CDH8: variants seen among roughly 807,000 people sequenced by gnomAD.
CDH8 encodes cadherin-8.
Under a neutral mutation model 68.1 loss-of-function variants are expected in CDH8, and 17 were observed. The ratio of observed to expected loss-of-function variants is 0.25; its 90% CI spans 0.17 to 0.37. The LOEUF is 0.37. Among genes scored for constraint, CDH8 ranks in the 10% least tolerant of loss-of-function variants. The probability of loss-of-function intolerance (pLI) is 1.00; values close to 1 mark genes in which losing one functional copy is unlikely to be tolerated. For missense variants in CDH8, 763 were observed against 999.3 expected (o/e 0.76, Z 3.19); for synonymous variants, 372 against 365.1 (o/e 1.02, Z -0.21).
chr16:61,977,013 C>T (rs1597103492), intron 2 of CDH8, among the ~76,000 whole-genome samples: 1 of 150,940 alleles, frequency 6.6e-6, no homozygotes, highest in African/African-American at 2.5e-5. Flanking sequence ...GGCTCCTGAA[C>T]TGCATAATAT....
At chr16:61,974,882 C>T (rs1213069459) in intron 2 of CDH8, among the ~76,000 whole-genome samples, 3 of 152,078 alleles carry the variant, frequency 2.0e-5, no homozygotes, top group Non-Finnish European at 2.9e-5. Flanking sequence ...CCCATCAGCA[C>T]ATTGATTTCC....
At chr16:61,672,443 A>G (rs1963816181) in intron 10 of CDH8, among the ~76,000 whole-genome samples, 1 of 152,084 alleles carries the variant, frequency 6.6e-6, no homozygotes, top group Admixed American at 6.6e-5. Flanking sequence ...CCAAGGTAAT[A>G]CCAGATATTT....
intron 8 of CDH8, among the ~76,000 whole-genome samples, chr16:61,751,493 G>A (rs1468680385): frequency 6.7e-6 from 1 of 149,414 alleles, no homozygotes; most frequent in Non-Finnish European, 1.5e-5. Flanking sequence ...ACACATCCTA[G>A]CTCAAGATAG....
intron 8 of CDH8, among the ~76,000 whole-genome samples, chr16:61,756,896 A>C (rs1219696086): frequency 6.6e-6 from 1 of 152,178 alleles, no homozygotes; most frequent in Admixed American, 6.5e-5. Flanking sequence ...CTGCTGAACG[A>C]ATCCTAATCC....
chr16:61,960,379 G>GTGTGTGTGTATACACACATATATACA (rs1965129651), intron 2 of CDH8, among the ~76,000 whole-genome samples: 1 of 84,122 alleles, frequency 1.2e-5, no homozygotes, highest in African/African-American at 7.2e-5. Flanking sequence ...ATATATACAT[G>GTGTGTGTGTATACACACATATATACA]TGTGTGTGTA....
intron 2 of CDH8, among the ~76,000 whole-genome samples, chr16:61,931,532 CT>C (rs968441708): frequency 5.3e-5 from 8 of 152,130 alleles, no homozygotes; most frequent in Middle Eastern, 3.4e-3. Context: ...TCAGGGCATT[CT>C]GACTGAATGA....
intron 8 of CDH8, among the ~76,000 whole-genome samples, chr16:61,744,750 T>G (rs1170494753): frequency 6.6e-6 from 1 of 151,366 alleles, no homozygotes; most frequent in Non-Finnish European, 1.5e-5. Flanking sequence ...CATATACATA[T>G]CCTTGATTCA....
rs370956765 is a variant in CDH8, at chr16:61,791,419, T to A, written c.1278-1937A>T. Among the ~76,000 whole-genome samples, 15 of 152,152 alleles carry A rather than the reference T, an allele frequency of 9.9e-5. No individual in the cohort carries two copies. In the East Asian group the frequency reaches 2.7e-3, roughly 27 times the overall value. On this transcript the variant is annotated intron_variant, in intron 7 of 11. Coordinates refer to ENST00000577390, the MANE Select transcript of CDH8 (RefSeq NM_001796.5). ...ATTCCAAGTTTAACTGTAAAATAAC[T>A]AAACAGACATGTGTTTTGCTTCAGA...
At chr16:61,931,174 G>GTTTT (rs1322160084) in intron 2 of CDH8, among the ~76,000 whole-genome samples, 1 of 151,932 alleles carries the variant, frequency 6.6e-6, no homozygotes, top group Non-Finnish European at 1.5e-5. Context: ...GTTTTGTTTT[G>GTTTT]TTTTGTTTCA....
Position 61,967,967 on chromosome 16 carries a change from C to T in CDH8, c.252+53185G>A, listed in dbSNP as rs553842720. ...GGGATTACAGGCGCCCGCCACCACG[C>T]CCAGCTAATTTTTTGTATTTTTAGT... On this transcript the variant is annotated intron_variant, in intron 2 of 11. Transcript: ENST00000577390. Among the ~76,000 whole-genome samples, 5 of 152,264 alleles carry T rather than the reference C, an allele frequency of 3.3e-5. No homozygotes were observed. In the East Asian group the frequency reaches 5.8e-4, roughly 18 times the overall value.
At chr16:61,982,958 T>A (rs977254988) in intron 2 of CDH8, among the ~76,000 whole-genome samples, 1 of 152,186 alleles carries the variant, frequency 6.6e-6, no homozygotes, top group Non-Finnish European at 1.5e-5. Context: ...CATATTCACT[T>A]TTATCGTGAA....
chr16:61,973,879 A>ATCC (rs1965387912), intron 2 of CDH8, among the ~76,000 whole-genome samples: 3 of 152,176 alleles, frequency 2.0e-5, no homozygotes, highest in Non-Finnish European at 4.4e-5. Flanking sequence ...TTCCCATCTC[A>ATCC]AATAATTGAA....
chr16:61,664,371 C>T (rs557114087), intron 10 of CDH8, among the ~76,000 whole-genome samples: 4 of 151,884 alleles, frequency 2.6e-5, no homozygotes, highest in South Asian at 4.2e-4. Context: ...CAGAAACTTC[C>T]GAGTAACAAA....
chr16:62,026,928 T>A lies in CDH8; in HGVS notation c.-199-5326A>T, dbSNP rs73568776. 8.7e-3 allele frequency among the ~76,000 whole-genome samples: 1,327 copies of A among 152,320 alleles called. 17 individuals are homozygous for A. Among genetic ancestry groups the A allele is most frequent in the African/African-American group, 0.03 (1,234 of 41,560 alleles). On this transcript the variant is annotated intron_variant, in intron 1 of 11. Transcript: ENST00000577390. ...TTATGTCAGTGTTATCAGTATTAAT[T>A]AATAACTGCGAATAGTAGCTGCATA...
In CDH8 at chr16:61,994,094, G is replaced by C. The variant is rs918663198; in HGVS notation, c.252+27058C>G. On this transcript the variant is annotated intron_variant, in intron 2 of 11. Coordinates refer to ENST00000577390, the MANE Select transcript of CDH8 (RefSeq NM_001796.5). ...CTGGGAAGTAAATAGCGATTAAGCT[G>C]TGGGGCTAAGTATATGTCTCCATAG... Among the ~76,000 whole-genome samples the C allele has an allele frequency of 3.9e-5, 6 of 152,160 alleles. No homozygotes were observed. In the East Asian group the frequency reaches 1.2e-3, roughly 29 times the overall value.
At chr16:62,031,071 G>A (rs1218429470) in intron 1 of CDH8, among the ~76,000 whole-genome samples, 1 of 152,122 alleles carries the variant, frequency 6.6e-6, no homozygotes, top group Non-Finnish European at 1.5e-5. Context: ...AGTCACCCAT[G>A]CAGCAACTCC....
chr16:61,733,408 A>G (rs1341719299), intron 8 of CDH8, among the ~76,000 whole-genome samples: 1 of 151,990 alleles, frequency 6.6e-6, no homozygotes, highest in Admixed American at 6.6e-5. Flanking sequence ...AAAAATCTTT[A>G]TGCTGTAGGA....
intron 3 of CDH8, among the ~76,000 whole-genome samples, chr16:61,858,509 C>A (rs1266530595): frequency 2.0e-5 from 3 of 152,130 alleles, no homozygotes; most frequent in Admixed American, 2.0e-4. Context: ...TTGAATATAC[C>A]TTTACTCATT....
intron 2 of CDH8, among the ~76,000 whole-genome samples, chr16:61,987,103 G>A (rs758515759): frequency 1.3e-5 from 2 of 152,162 alleles, no homozygotes; most frequent in Non-Finnish European, 2.9e-5. Context: ...TCTACTCTCC[G>A]ATGCTAATTC....
Sources: allele counts gnomAD v4.1 joint callset (sites outside exome capture counted in the v4.1 genomes callset), GRCh38; gene constraint gnomAD v4.1.1; transcripts MANE v1.5; gene names NCBI Gene and HGNC (gene_info 2026-07-23, HGNC 2026-07-21).